The following SUGCT variants were observed in gnomAD, a reference collection of about 807,000 sequenced individuals.
SUGCT encodes the protein succinyl-CoA:glutarate CoA-transferase.
Under a neutral mutation model 55.0 loss-of-function variants are expected in SUGCT, and 41 were observed. The ratio of observed to expected loss-of-function variants is 0.74; its 90% CI spans 0.58 to 0.97. The LOEUF (loss-of-function observed/expected upper bound fraction) is 0.97, where lower values mean the gene tolerates loss of function less well. Among genes scored for constraint, SUGCT ranks in the 50% least tolerant of loss-of-function variants. The pLI is 0.00. For missense variants in SUGCT, 568 were observed against 547.8 expected, an observed-to-expected ratio of 1.04 and a Z score of -0.37; for synonymous variants, 187 against 200.4, an observed-to-expected ratio of 0.93 and a Z score of 0.56.
At chr7:40,534,391 CT>C (rs919878770) in intron 12 of SUGCT, among the ~76,000 whole-genome samples, 50 of 147,314 alleles carry the variant, frequency 3.4e-4, no homozygotes, top group African/African-American at 4.2e-4. Context: ...TTCTTAATTT[CT>C]TTTTTTTTTT....
At chr7:40,590,773 G>A (rs188959523) in intron 12 of SUGCT, among the ~76,000 whole-genome samples, 5 of 152,222 alleles carry the variant, frequency 3.3e-5, no homozygotes, top group Non-Finnish European at 7.4e-5. Context: ...GCAAATCTTA[G>A]GGCCCTTAGG....
chr7:40,174,889 T>C (rs6462961), intron 1 of SUGCT, among the ~76,000 whole-genome samples: 77,679 of 151,972 alleles, frequency 0.51, 20,265 homozygotes, highest in Middle Eastern at 0.65. Flanking sequence ...TATGAAAGTG[T>C]CCATTTCACC....
intron 12 of SUGCT, among the ~76,000 whole-genome samples, chr7:40,743,819 AG>A (rs1787590410): frequency 6.6e-6 from 1 of 152,234 alleles, no homozygotes; most frequent in African/African-American, 2.4e-5. Flanking sequence ...GCCTATGCTC[AG>A]GGCTTTATAC....
intron 7 of SUGCT, among the ~76,000 whole-genome samples, chr7:40,268,018 G>A (rs1406134880): frequency 6.6e-6 from 1 of 151,974 alleles, no homozygotes; most frequent in Non-Finnish European, 1.5e-5. Context: ...TTTTAAGCAG[G>A]TCTTTAAAGA....
the SUGCT span, among the ~76,000 whole-genome samples, chr7:40,948,917 G>A: frequency 1.3e-4 from 20 of 152,220 alleles, no homozygotes; most frequent in Non-Finnish European, 2.4e-4. Flanking sequence ...ATAAACATAC[G>A]TATGCATGTG....
chr7:40,897,205 C>G, the SUGCT span, among the ~76,000 whole-genome samples: 3 of 152,106 alleles, frequency 2.0e-5, no homozygotes, highest in Non-Finnish European at 4.4e-5. Context: ...CAAAAATCAA[C>G]TCAAAATGAA....
chr7:40,373,303 C>CTAGAAAATTTAGAATCTATAGATTA (rs1784384044), intron 9 of SUGCT, among the ~76,000 whole-genome samples: 2 of 151,752 alleles, frequency 1.3e-5, no homozygotes, highest in African/African-American at 2.4e-5. Context: ...TCTATAGATT[C>CTAGAAAATTTAGAATCTATAGATTA]TAGAAAATTT....
chr7:40,628,977 G>A (rs1799657063), intron 12 of SUGCT, among the ~76,000 whole-genome samples: 1 of 152,056 alleles, frequency 6.6e-6, no homozygotes, highest in Non-Finnish European at 1.5e-5. Context: ...CCTGACCTCA[G>A]GTGATAGGAT....
At chr7:40,374,489 G>C (rs1273355198) in intron 9 of SUGCT, among the ~76,000 whole-genome samples, 1 of 152,086 alleles carries the variant, frequency 6.6e-6, no homozygotes, top group East Asian at 1.9e-4. Context: ...CAAATAAAGG[G>C]TATCAGCACA....
intron 9 of SUGCT, among the ~76,000 whole-genome samples, chr7:40,378,771 C>T (rs1160690753): frequency 6.6e-6 from 1 of 152,220 alleles, no homozygotes; most frequent in Non-Finnish European, 1.5e-5. Context: ...CCATGCCTGG[C>T]CTTTCTCATA....
the SUGCT span, among the ~76,000 whole-genome samples, chr7:40,907,026 G>C: frequency 1.3e-5 from 2 of 151,908 alleles, no homozygotes; most frequent in African/African-American, 4.8e-5. Context: ...TCCATAATAG[G>C]ATGGGGCTTC....
At chr7:40,339,940 T>A (rs1444529947) in intron 9 of SUGCT, among the ~76,000 whole-genome samples, 1 of 152,234 alleles carries the variant, frequency 6.6e-6, no homozygotes, top group African/African-American at 2.4e-5. Context: ...GTAATTCTTT[T>A]GAGGAACTGA....
chr7:40,735,822 G>C (rs1009268526), intron 12 of SUGCT, among the ~76,000 whole-genome samples: 6 of 151,924 alleles, frequency 3.9e-5, no homozygotes, highest in African/African-American at 1.5e-4. Flanking sequence ...CATTTTTCTG[G>C]GGCTAGGAGA....
chr7:40,375,436 G>T (rs1281573262), intron 9 of SUGCT, among the ~76,000 whole-genome samples: 2 of 151,958 alleles, frequency 1.3e-5, no homozygotes, highest in Non-Finnish European at 2.9e-5. Flanking sequence ...GGAGAAATAA[G>T]GTTATAAAAA....
chr7:40,842,306 CA>C (rs1793316950), intron 13 of SUGCT, among the ~76,000 whole-genome samples: 1 of 151,786 alleles, frequency 6.6e-6, no homozygotes, highest in African/African-American at 2.4e-5. Context: ...AGTAGGAAAA[CA>C]AATAATCATT....
At chr7:40,426,790 G>A (rs892922333) in intron 9 of SUGCT, among the ~76,000 whole-genome samples, 1 of 151,966 alleles carries the variant, frequency 6.6e-6, no homozygotes, top group African/African-American at 2.4e-5. Context: ...TTTAAGAATG[G>A]CACATTTAAT....
intron 12 of SUGCT, among the ~76,000 whole-genome samples, chr7:40,698,400 T>C (rs1785032975): frequency 1.3e-5 from 2 of 151,874 alleles, no homozygotes; most frequent in East Asian, 3.9e-4. Flanking sequence ...TCTTCAAGGG[T>C]GGAATGCAGA....
chr7:40,827,376 G>A (rs1259735907), intron 13 of SUGCT, among the ~76,000 whole-genome samples: 2 of 152,108 alleles, frequency 1.3e-5, no homozygotes, highest in Non-Finnish European at 2.9e-5. Flanking sequence ...CAGAGAAGGG[G>A]AGAGAAGCCT....
intron 12 of SUGCT, among the ~76,000 whole-genome samples, chr7:40,550,809 A>G (rs1163077053): frequency 1.3e-5 from 2 of 152,100 alleles, no homozygotes; most frequent in Non-Finnish European, 2.9e-5. Flanking sequence ...GAGGTGTCGC[A>G]AGGGGCTCTA....
Sources: allele counts gnomAD v4.1 joint callset (sites outside exome capture counted in the v4.1 genomes callset), GRCh38; gene constraint gnomAD v4.1.1; transcripts MANE v1.5; gene names NCBI Gene and HGNC (gene_info 2026-07-23, HGNC 2026-07-21).